The following SOX6 variants were observed in gnomAD, a reference collection of about 807,000 sequenced individuals.
SOX6 encodes SRY-box transcription factor 6.
In SOX6, 11 loss-of-function variants were observed where a neutral mutation model predicts 97.8. The ratio of observed to expected loss-of-function variants is 0.11; its 90% CI spans 0.07 to 0.19. The LOEUF (loss-of-function observed/expected upper bound fraction) is 0.19. Ranked by LOEUF, SOX6 falls within the 10% of genes least tolerant of loss-of-function variation. The pLI is 1.00. For synonymous variants in SOX6, 360 were observed against 371.4 expected (o/e 0.97, Z 0.35); for missense variants, 810 against 1,039.5 (o/e 0.78, Z 3.04).
At chr11:16,445,743 A>G (rs935406095) in intron 1 of SOX6, among the ~76,000 whole-genome samples, 2 of 152,044 alleles carry the variant, frequency 1.3e-5, no homozygotes, top group South Asian at 2.1e-4. Context: ...CCTGTTTTCA[A>G]TTCTCCTCTG....
intron 5 of SOX6, 39 bp from the exon 6 acceptor site, chr11:16,183,993 C>T (rs1208744358): frequency 5.2e-6 from 8 of 1,550,242 alleles, no homozygotes; most frequent in Non-Finnish European, 7.1e-6. Context: ...AAATGAAATG[C>T]TTACACCTCT....
intron 6 of SOX6, among the ~76,000 whole-genome samples, chr11:16,161,254 A>G (rs1850742464): frequency 6.6e-6 from 1 of 151,302 alleles, no homozygotes; most frequent in South Asian, 2.1e-4. Context: ...CTATTTCTTT[A>G]TTTTCTCTTT....
intron 4 of SOX6, among the ~76,000 whole-genome samples, chr11:16,194,566 C>T (rs16932704): frequency 0.01 from 1,557 of 152,236 alleles, 27 homozygotes; most frequent in African/African-American, 0.035. Flanking sequence ...TGAGAATTTC[C>T]TTCTTGATAT....
chr11:16,410,452 G>A (rs745625188), intron 1 of SOX6, among the ~76,000 whole-genome samples: 14 of 152,018 alleles, frequency 9.2e-5, no homozygotes, highest in South Asian at 8.3e-4. Flanking sequence ...CATTAAATTC[G>A]TTTTTAAAAG....
At chr11:16,024,679 C>T (rs577627335) in intron 12 of SOX6, among the ~76,000 whole-genome samples, 89 of 152,010 alleles carry the variant, frequency 5.9e-4, no homozygotes, top group Non-Finnish European at 1.1e-3. Flanking sequence ...GCCACTGGAC[C>T]ATAAGCATTT....
At chr11:16,609,850 G>A (rs1848376820) in intron 4 of SOX6, among the ~76,000 whole-genome samples, 1 of 152,176 alleles carries the variant, frequency 6.6e-6, no homozygotes, top group Non-Finnish European at 1.5e-5. Context: ...CTGACTTGAT[G>A]TTTTTGGGAG....
chr11:16,731,925 C>T (rs1321223119), intron 2 of SOX6, among the ~76,000 whole-genome samples: 1 of 152,152 alleles, frequency 6.6e-6, no homozygotes, highest in East Asian at 1.9e-4. Flanking sequence ...GTACAAAAAT[C>T]ACAAGCATTC....
chr11:16,491,212 A>C (rs1045373889), intron 4 of SOX6, among the ~76,000 whole-genome samples: 1 of 152,216 alleles, frequency 6.6e-6, no homozygotes, highest in African/African-American at 2.4e-5. Flanking sequence ...AGCATTGTAC[A>C]AAAACTATAT....
intron 4 of SOX6, among the ~76,000 whole-genome samples, chr11:16,544,403 C>G (rs1410637560): frequency 6.6e-6 from 1 of 152,090 alleles, no homozygotes. Flanking sequence ...AGACCACAGG[C>G]ATGAGCTACC....
At chr11:16,603,370 G>A (rs982802098) in intron 4 of SOX6, among the ~76,000 whole-genome samples, 22 of 152,336 alleles carry the variant, frequency 1.4e-4, no homozygotes, top group African/African-American at 5.3e-4. Flanking sequence ...CTGCTCCTAA[G>A]AACCCCAGGC....
At chr11:16,314,741 C>T (rs543382237) in intron 3 of SOX6, 2 of 152,246 alleles carry the variant, frequency 1.3e-5, no homozygotes, top group Admixed American at 6.5e-5. Flanking sequence ...GTTCCTATGA[C>T]ATTGTCACCA....
At chr11:16,008,302 C>T (rs749379339) in intron 13 of SOX6, among the ~76,000 whole-genome samples, 19 of 152,126 alleles carry the variant, frequency 1.2e-4, no homozygotes, top group East Asian at 3.9e-4. Flanking sequence ...CAGATACAGA[C>T]GGCAGACTAT....
intron 4 of SOX6, among the ~76,000 whole-genome samples, chr11:16,196,465 A>G (rs747343499): frequency 1.3e-5 from 2 of 152,222 alleles, no homozygotes; most frequent in Non-Finnish European, 2.9e-5. Flanking sequence ...TTGTTGGAAT[A>G]TAATATTTCC....
At chr11:16,710,375 A>G (rs184073862) in intron 3 of SOX6, among the ~76,000 whole-genome samples, 3 of 152,196 alleles carry the variant, frequency 2.0e-5, no homozygotes, top group Admixed American at 6.5e-5. Flanking sequence ...CTAAGACTCA[A>G]TGATGTGAAA....
At chr11:16,620,397 C>T (rs1020346035) in intron 3 of SOX6, among the ~76,000 whole-genome samples, 9 of 152,058 alleles carry the variant, frequency 5.9e-5, no homozygotes, top group African/African-American at 1.7e-4. Context: ...CTGGGCATGA[C>T]GATATAAAAA....
chr11:16,415,123 G>A (rs1025324853), intron 1 of SOX6, among the ~76,000 whole-genome samples: 3 of 152,052 alleles, frequency 2.0e-5, no homozygotes, highest in African/African-American at 7.2e-5. Context: ...TATGAAGTAA[G>A]CCTCCCACAT....
At chr11:16,250,493 TA>T (rs1487364102) in intron 3 of SOX6, among the ~76,000 whole-genome samples, 1 of 151,998 alleles carries the variant, frequency 6.6e-6, no homozygotes, top group Non-Finnish European at 1.5e-5. Flanking sequence ...ACTTTAACTA[TA>T]AAAACACAAA....
intron 2 of SOX6, among the ~76,000 whole-genome samples, chr11:16,726,456 A>G (rs1350483825): frequency 6.6e-6 from 1 of 152,202 alleles, no homozygotes; most frequent in African/African-American, 2.4e-5. Flanking sequence ...ATGGTTGCAC[A>G]ACTCTGTGAC....
chr11:16,575,339 C>A (rs1414857021), intron 4 of SOX6, among the ~76,000 whole-genome samples: 3 of 152,064 alleles, frequency 2.0e-5, no homozygotes, highest in Non-Finnish European at 4.4e-5. Context: ...TTCACATTAT[C>A]TAGAAAAGAT....
Sources: gnomAD v4.1 joint callset for allele counts (sites outside exome capture counted in the v4.1 genomes callset) on GRCh38, gnomAD v4.1.1 for gene constraint, MANE v1.5 for transcripts, NCBI Gene and HGNC (gene_info 2026-07-23, HGNC 2026-07-21) for gene names.